The following ERC1 variants were observed in gnomAD, a reference collection of about 807,000 sequenced individuals.
The protein encoded by ERC1 is RAB6 interacting protein 2.
A neutral mutation model predicts 132.0 loss-of-function variants in ERC1; 56 were observed. The ratio of observed to expected loss-of-function variants is 0.42; its 90% CI spans 0.34 to 0.53. The LOEUF is 0.53. ERC1 is among the 20% of genes least tolerant of loss of function. ERC1 has a pLI of 0.03. For synonymous variants in ERC1, 478 were observed against 476.1 expected, an observed-to-expected ratio of 1.00 and a Z score of -0.05; for missense variants, 1,202 against 1,349.9, an observed-to-expected ratio of 0.89 and a Z score of 1.72.
At chr12:1,041,167 G>A (rs1034312655) in intron 2 of ERC1, among the ~76,000 whole-genome samples, 6 of 150,556 alleles carry the variant, frequency 4.0e-5, no homozygotes, top group Non-Finnish European at 8.9e-5. Context: ...GTTATCATAA[G>A]TAACGTTTTA....
chr12:1,171,673 C>A (rs1356349969), intron 8 of ERC1, among the ~76,000 whole-genome samples: 1 of 152,128 alleles, frequency 6.6e-6, no homozygotes, highest in African/African-American at 2.4e-5. Context: ...GAGGCACCCT[C>A]AAAAATGTTC....
At chr12:1,423,435 C>G (rs527703509) in intron 17 of ERC1, among the ~76,000 whole-genome samples, 3 of 152,312 alleles carry the variant, frequency 2.0e-5, no homozygotes, top group African/African-American at 7.2e-5. Context: ...TGATCACAAA[C>G]CATACATTGT....
At chr12:1,147,586 G>C (rs1950497778) in intron 8 of ERC1, among the ~76,000 whole-genome samples, 1 of 152,146 alleles carries the variant, frequency 6.6e-6, no homozygotes, top group Non-Finnish European at 1.5e-5. Context: ...TAGTGGATTA[G>C]AAGTTACTTG....
intron 15 of ERC1, among the ~76,000 whole-genome samples, chr12:1,365,911 A>G (rs920470051): frequency 6.6e-6 from 1 of 152,228 alleles, no homozygotes; most frequent in Non-Finnish European, 1.5e-5. Flanking sequence ...ATTCAGCCAC[A>G]TGCTACATGG....
At chr12:1,389,851 A>G (rs2089788880) in intron 16 of ERC1, among the ~76,000 whole-genome samples, 1 of 152,240 alleles carries the variant, frequency 6.6e-6, no homozygotes, top group South Asian at 2.1e-4. Flanking sequence ...AAAGCACCTT[A>G]CATTAAAAAA....
intron 16 of ERC1, among the ~76,000 whole-genome samples, chr12:1,375,893 C>T (rs996375062): frequency 1.3e-5 from 2 of 151,900 alleles, no homozygotes; most frequent in African/African-American, 2.4e-5. Context: ...CCCGCCACCG[C>T]GCCCGGCTAA....
chr12:1,068,016 C>T (rs11061621), intron 2 of ERC1, among the ~76,000 whole-genome samples: 24,201 of 149,662 alleles, frequency 0.16, 3,453 homozygotes, highest in African/African-American at 0.39. Flanking sequence ...ACTGCAGCAT[C>T]CACCTCCCGA....
chr12:1,350,662 A>G (rs940201055), intron 15 of ERC1, among the ~76,000 whole-genome samples: 1 of 152,190 alleles, frequency 6.6e-6, no homozygotes, highest in Non-Finnish European at 1.5e-5. Flanking sequence ...ACAGTTCTAG[A>G]GCTAATTAAG....
At chr12:1,369,034 C>T (rs1164579865) in intron 15 of ERC1, among the ~76,000 whole-genome samples, 2 of 151,974 alleles carry the variant, frequency 1.3e-5, no homozygotes, top group Non-Finnish European at 2.9e-5. Context: ...TCTGTATAGT[C>T]CATAGCATAT....
intron 15 of ERC1, among the ~76,000 whole-genome samples, chr12:1,359,199 G>A (rs2085835330): frequency 6.6e-6 from 1 of 152,128 alleles, no homozygotes; most frequent in African/African-American, 2.4e-5. Context: ...ATTGTAGCAT[G>A]GTGAGGGGTT....
intron 1 of ERC1, among the ~76,000 whole-genome samples, chr12:1,023,412 T>C (rs570662924): frequency 6.6e-6 from 1 of 152,120 alleles, no homozygotes; most frequent in African/African-American, 2.4e-5. Context: ...TTTTTTGATT[T>C]TTTTTTTTTC....
chr12:1,473,530 T>C (rs971303098), intron 18 of ERC1, among the ~76,000 whole-genome samples: 9 of 150,462 alleles, frequency 6.0e-5, no homozygotes, highest in Non-Finnish European at 1.2e-4. Context: ...CTCAGCGGTC[T>C]AAGGCAGGAA....
intron 13 of ERC1, among the ~76,000 whole-genome samples, chr12:1,258,971 G>C (rs1270867961): frequency 6.6e-6 from 1 of 152,088 alleles, no homozygotes; most frequent in Non-Finnish European, 1.5e-5. Context: ...TACATATTTA[G>C]ATATCAGTTA....
chr12:1,377,504 A>G (rs79310971), intron 16 of ERC1, among the ~76,000 whole-genome samples: 35 of 152,262 alleles, frequency 2.3e-4, no homozygotes, highest in Non-Finnish European at 4.7e-4. Context: ...CACATATCCC[A>G]CTCAGAAACA....
intron 12 of ERC1, among the ~76,000 whole-genome samples, chr12:1,210,622 A>G (rs557218974): frequency 5.4e-4 from 83 of 152,296 alleles, no homozygotes; most frequent in African/African-American, 1.6e-3. Context: ...GCTTTCCTTC[A>G]TTAATATGGG....
intron 16 of ERC1, among the ~76,000 whole-genome samples, chr12:1,372,574 T>C (rs1205895671): frequency 6.6e-6 from 1 of 152,254 alleles, no homozygotes; most frequent in African/African-American, 2.4e-5. Flanking sequence ...GTAACTTTTA[T>C]GTTAGACATA....
At position 1,494,625 on chromosome 12, in the gene ERC1, C is replaced by G; in HGVS notation, c.*4395C>G. On this transcript the variant is annotated 3_prime_UTR_variant, in exon 19 of 19. Transcript: ENST00000360905. Reference sequence around the variant, plus strand: ...CTGTGGCCCTGTTGTAGGTACTTCTCCTGACTCTTGGGGGAGAAGTGGTTT... The same window carrying G: ...CTGTGGCCCTGTTGTAGGTACTTCTGCTGACTCTTGGGGGAGAAGTGGTTT... 1 of 231,058 alleles carries G rather than the reference C, an allele frequency of 4.3e-6. No homozygotes were observed. The highest frequency in any genetic ancestry group is 8.6e-6 in the Non-Finnish European group (1 of 116,704). 14.3% of individuals were successfully genotyped at this position (231,058 alleles called of 1,614,324 possible). A position where few individuals can be genotyped will look rare whatever the true frequency, so the allele number is the denominator to read the frequency against.
At chr12:1,484,098 G>A (rs1314713654) in intron 18 of ERC1, among the ~76,000 whole-genome samples, 1 of 136,188 alleles carries the variant, frequency 7.3e-6, no homozygotes, top group Non-Finnish European at 1.6e-5. Context: ...GAGGTCAGGA[G>A]ATCAAGACCT....
At chr12:1,444,775 A>G in intron 18 of ERC1, 25 bp downstream of exon 18, 1 of 1,599,712 alleles carries the variant, frequency 6.3e-7, no homozygotes, top group Non-Finnish European at 8.5e-7. Flanking sequence ...CAAACTTTGA[A>G]AAGAGCCTGT....
Sources: allele counts gnomAD v4.1 joint callset (sites outside exome capture counted in the v4.1 genomes callset), GRCh38; gene constraint gnomAD v4.1.1; transcripts MANE v1.5; gene names NCBI Gene and HGNC (gene_info 2026-07-23, HGNC 2026-07-21).